Variants in PTPRN2 observed in about 807,000 individuals in gnomAD.
PTPRN2 encodes receptor-type tyrosine-protein phosphatase N2.
Under a neutral mutation model 118.8 loss-of-function variants are expected in PTPRN2, and 74 were observed. The ratio of observed to expected loss-of-function variants is 0.62; its 90% CI spans 0.52 to 0.76. The LOEUF (loss-of-function observed/expected upper bound fraction) is 0.76. Ranked by LOEUF, PTPRN2 falls within the 30% of genes least tolerant of loss-of-function variation. The pLI, the probability that PTPRN2 is intolerant of heterozygous loss-of-function variation, is 0.00. For synonymous variants in PTPRN2, 641 were observed against 608.0 expected, an observed-to-expected ratio of 1.05 and a Z score of -0.80; for missense variants, 1,481 against 1,394.4, an observed-to-expected ratio of 1.06 and a Z score of -0.99.
At chr7:157,741,189 C>T (rs751972578) in intron 12 of PTPRN2, among the ~76,000 whole-genome samples, 2 of 152,224 alleles carry the variant, frequency 1.3e-5, no homozygotes, top group African/African-American at 4.8e-5. Context: ...AGCCTGGCTC[C>T]AGCACCTTTC....
intron 9 of PTPRN2, among the ~76,000 whole-genome samples, chr7:158,122,161 G>A (rs1442915502): frequency 5.9e-5 from 9 of 152,168 alleles, no homozygotes; most frequent in Admixed American, 5.9e-4. Context: ...ATGGGGTCAG[G>A]GTCAGAGCTA....
rs1470218558 is a variant in PTPRN2, at chr7:157,903,670, G to A, written c.1724-4933C>T. Among the ~76,000 whole-genome samples, 1 of 151,434 alleles carries A rather than the reference G, an allele frequency of 6.6e-6. No individual in the cohort carries two copies. Among genetic ancestry groups the A allele is most frequent in the East Asian group, 1.9e-4 (1 of 5,180 alleles). On this transcript the variant is annotated intron_variant, in intron 11 of 22. Transcript: ENST00000389418. The surrounding 1 kb of genome is among the most constrained non-coding windows in gnomAD (Gnocchi z 4.2). The stretch of plus-strand genomic sequence containing the variant: ...TCCTTTTTTTTTTTTATACTAAAAG[G>A]TTTTAAGAGAGTACAAGGGACAGTT...
intron 3 of PTPRN2, among the ~76,000 whole-genome samples, chr7:158,279,153 G>A (rs1004592714): frequency 1.5e-4 from 23 of 152,158 alleles, no homozygotes; most frequent in Non-Finnish European, 2.6e-4. Context: ...CCCCATATCT[G>A]GCCGCACCTA....
At chr7:158,341,002 T>TCC in intron 2 of PTPRN2, among the ~76,000 whole-genome samples, 1 of 58,372 alleles carries the variant, frequency 1.7e-5, no homozygotes, top group Non-Finnish European at 3.6e-5. Flanking sequence ...CCATAAGAGG[T>TCC]GAAACCTGCA....
At chr7:157,878,234 C>T (rs562704415) in intron 12 of PTPRN2, among the ~76,000 whole-genome samples, 1 of 152,384 alleles carries the variant, frequency 6.6e-6, no homozygotes, top group Admixed American at 6.5e-5. Context: ...GGCCAGTGCT[C>T]AAGAGCACGG....
intron 21 of PTPRN2, among the ~76,000 whole-genome samples, chr7:157,557,229 GCACA>G (rs757105364): frequency 3.5e-5 from 5 of 142,510 alleles, no homozygotes; most frequent in East Asian, 2.1e-4. Flanking sequence ...TCATACATAT[GCACA>G]CACACACACA....
intron 12 of PTPRN2, among the ~76,000 whole-genome samples, chr7:157,718,165 T>C (rs1323362876): frequency 6.6e-6 from 1 of 152,228 alleles, no homozygotes; most frequent in Non-Finnish European, 1.5e-5. Context: ...CTGTAATAAA[T>C]GTGGGATTTG....
intron 13 of PTPRN2, among the ~76,000 whole-genome samples, chr7:157,670,900 A>AGCGG: frequency 6.6e-6 from 1 of 152,238 alleles, no homozygotes; most frequent in East Asian, 1.9e-4. Context: ...GGAAGTAGAG[A>AGCGG]ACGGGCAGCT....
intron 12 of PTPRN2, among the ~76,000 whole-genome samples, chr7:157,759,228 G>A (rs889015744): frequency 3.9e-5 from 6 of 152,218 alleles, no homozygotes; most frequent in Admixed American, 1.3e-4. Flanking sequence ...ACTTAGGTCC[G>A]AGCTAAGTTA....
chr7:158,110,854 G>C lies in PTPRN2; in HGVS notation c.1618C>G (p.Pro540Ala). The C allele has an allele frequency of 6.3e-7, 1 of 1,589,538 alleles. No homozygotes were observed. Among genetic ancestry groups the C allele is most frequent in the South Asian group, 1.1e-5 (1 of 87,332 alleles). ...VEDVARLLQV[P>A]SSAFADVEVL... ...TCCACGTCAGCGAACGCACTGCTGG[G>C]CACCTGCAGGAGGCGGGCGACGTCC... Residue 540 changes from proline to alanine, a missense_variant, in exon 10 of 23, where the codon CCC becomes GCC. Physicochemically the swap from Pro to Ala is conservative, Grantham distance 27 (BLOSUM62 -1). This residue lies in a region of PTPRN2 where 1,115 missense variants were observed against 994.2 expected (regional missense o/e 1.12). Transcript: ENST00000389418.
At chr7:158,265,492 G>A (rs1797812528) in intron 3 of PTPRN2, among the ~76,000 whole-genome samples, 1 of 152,150 alleles carries the variant, frequency 6.6e-6, no homozygotes, top group Admixed American at 6.5e-5. Flanking sequence ...CCCACCTGCA[G>A]GCACCCACCC....
At chr7:158,373,560 G>C (rs2151324326) in intron 2 of PTPRN2, among the ~76,000 whole-genome samples, 1 of 152,322 alleles carries the variant, frequency 6.6e-6, no homozygotes, top group Admixed American at 6.5e-5. Context: ...AGGAAAAACA[G>C]ACCAGCTGCC....
intron 1 of PTPRN2, among the ~76,000 whole-genome samples, chr7:158,490,098 G>T (rs980875540): frequency 6.6e-6 from 1 of 152,172 alleles, no homozygotes; most frequent in Non-Finnish European, 1.5e-5. Context: ...CAGCGGGGCC[G>T]GGGCCTCCCC....
rs59811856 is a variant in PTPRN2, at chr7:158,578,537, T to TAAAAAAAAAAAAA, written c.112+9008_112+9020dup. 9.2e-4 allele frequency among the ~76,000 whole-genome samples: 116 copies of TAAAAAAAAAAAAA among 125,860 alleles called. 2 individuals are homozygous for TAAAAAAAAAAAAA. The East Asian group carries it at 0.015, about 16-fold the overall frequency. The allele number at this position is 125,860 out of a possible 152,430, so 82.6% of individuals were successfully genotyped here. ...GCTACAGAGCCAGACCCTGTCTCTG[T>TAAAAAAAAAAAAA]AAAAAAAAAAAAAATCATAGATTCA... On this transcript the variant is annotated intron_variant, in intron 1 of 22. Transcript: ENST00000389418.
At chr7:157,959,777 T>A (rs576733180) in intron 11 of PTPRN2, among the ~76,000 whole-genome samples, 14 of 152,194 alleles carry the variant, frequency 9.2e-5, no homozygotes, top group Non-Finnish European at 1.9e-4. Flanking sequence ...AGCTTGAGAA[T>A]TCCTCAAAAA....
chr7:157,561,650 C>T (rs965128708), intron 21 of PTPRN2, among the ~76,000 whole-genome samples: 16 of 152,248 alleles, frequency 1.1e-4, no homozygotes, highest in Non-Finnish European at 1.5e-4. Context: ...GTGGTCAGAA[C>T]GGAGGGCCCC....
chr7:158,264,004 A>G (rs1032324989), intron 3 of PTPRN2, among the ~76,000 whole-genome samples: 1 of 151,770 alleles, frequency 6.6e-6, no homozygotes, highest in Non-Finnish European at 1.5e-5. Context: ...TTCAAGTCCA[A>G]CTCTACCCCT....
At chr7:157,605,397 C>G (rs1274125914) in intron 15 of PTPRN2, among the ~76,000 whole-genome samples, 1 of 152,230 alleles carries the variant, frequency 6.6e-6, no homozygotes, top group African/African-American at 2.4e-5. Context: ...AGTCACAGGC[C>G]TAGCTCCGGG....
intron 20 of PTPRN2, among the ~76,000 whole-genome samples, 184 bp from the exon 21 acceptor site, chr7:157,569,150 C>T (rs1478986676): frequency 1.3e-5 from 2 of 152,238 alleles, no homozygotes; most frequent in Admixed American, 6.5e-5. Context: ...AAGGGAGGCC[C>T]CTGGGGGCTT....
Sources: gnomAD v4.1 joint callset for allele counts (sites outside exome capture counted in the v4.1 genomes callset) on GRCh38, gnomAD v4.1.1 for gene constraint, gnomAD v4.1.1 regional missense constraint, Gnocchi (gnomAD v3.1) non-coding constraint, MANE v1.5 for transcripts, NCBI Gene and HGNC (gene_info 2026-07-23, HGNC 2026-07-21) for gene names.